Variants in HS6ST3 observed in about 807,000 individuals in gnomAD.
The protein encoded by HS6ST3 is heparan sulfate 6-O-sulfotransferase 3.
A neutral mutation model predicts 36.7 loss-of-function variants in HS6ST3; 12 were observed. The observed-to-expected ratio is 0.33, with a 90% CI of 0.21 to 0.53. HS6ST3 has a LOEUF of 0.53. HS6ST3 is among the 20% of genes least tolerant of loss of function. The pLI is 0.95. For missense variants in HS6ST3, 584 were observed against 640.9 expected, an observed-to-expected ratio of 0.91 and a Z score of 0.96; for synonymous variants, 240 against 257.5, an observed-to-expected ratio of 0.93 and a Z score of 0.65.
At chr13:96,386,136 A>G (rs1352357295) in intron 1 of HS6ST3, among the ~76,000 whole-genome samples, 2 of 152,244 alleles carry the variant, frequency 1.3e-5, no homozygotes. Flanking sequence ...CATCTTGTAA[A>G]TTTGCTTTAT....
At chr13:96,382,141 G>A (rs1451689097) in intron 1 of HS6ST3, among the ~76,000 whole-genome samples, 4 of 152,222 alleles carry the variant, frequency 2.6e-5, no homozygotes, top group South Asian at 4.2e-4. Context: ...TGATAAGGAG[G>A]GTTGTTTTGC....
intron 1 of HS6ST3, among the ~76,000 whole-genome samples, chr13:96,353,300 A>G (rs1302352133): frequency 6.6e-6 from 1 of 151,992 alleles, no homozygotes; most frequent in African/African-American, 2.4e-5. Flanking sequence ...ATAGTTCTTC[A>G]TTACTGAAGA....
chr13:96,454,485 G>A (rs7319073), intron 1 of HS6ST3, among the ~76,000 whole-genome samples: 118,316 of 152,028 alleles, frequency 0.78, 49,018 homozygotes, highest in Non-Finnish European at 0.94. Context: ...ATTACCATGC[G>A]GCACAATGAT....
chr13:96,122,050 G>A (rs548273636), intron 1 of HS6ST3, among the ~76,000 whole-genome samples: 41 of 151,614 alleles, frequency 2.7e-4, no homozygotes, highest in Non-Finnish European at 5.3e-4. Context: ...CCTCTGAGCT[G>A]GCTAATGCAA....
chr13:96,309,858 T>C (rs115133093), intron 1 of HS6ST3, among the ~76,000 whole-genome samples: 3,940 of 152,268 alleles, frequency 0.026, 68 homozygotes, highest in East Asian at 0.054. Context: ...TAGGAAACTT[T>C]ACATGAGAAG....
intron 1 of HS6ST3, among the ~76,000 whole-genome samples, chr13:96,297,042 TTC>T (rs2054858210): frequency 6.6e-6 from 1 of 152,116 alleles, no homozygotes; most frequent in African/African-American, 2.4e-5. Context: ...ATTAAAACCC[TTC>T]TGTTAGATTC....
intron 1 of HS6ST3, among the ~76,000 whole-genome samples, chr13:96,431,783 G>A (rs1269907586): frequency 6.6e-6 from 1 of 152,168 alleles, no homozygotes; most frequent in Admixed American, 6.5e-5. Flanking sequence ...GTGATGCAAC[G>A]TTTGCCTACG....
At position 96,091,376 on chromosome 13, in the gene HS6ST3, G is replaced by A; in HGVS notation, c.514G>A (p.Glu172Lys). The A allele has an allele frequency of 3.1e-6, 5 of 1,613,964 alleles. No homozygotes were observed. Among genetic ancestry groups the A allele is most frequent in the Non-Finnish European group, 4.2e-6 (5 of 1,179,976 alleles). ...GRHLVKNIRL[E>K]QPCSCKAGQK... ...GCACCTGGTGAAGAACATCCGGCTG[G>A]AGCAGCCTTGTAGCTGCAAAGCGGG... The change falls in exon 1 of 2, where the codon GAG becomes AAG. Residue 172 changes from glutamate to lysine, a missense_variant. This residue lies in a region of HS6ST3 where 360 missense variants were observed against 411.3 expected (regional missense o/e 0.88). Transcript: ENST00000376705.
intron 1 of HS6ST3, among the ~76,000 whole-genome samples, chr13:96,594,037 A>G (rs2056393086): frequency 6.6e-6 from 1 of 151,148 alleles, no homozygotes; most frequent in Non-Finnish European, 1.5e-5. Context: ...GCTCACCGCG[A>G]TCTCAGCTCA....
chr13:96,372,360 C>T (rs572389141), intron 1 of HS6ST3, among the ~76,000 whole-genome samples: 15 of 152,064 alleles, frequency 9.9e-5, no homozygotes, highest in Non-Finnish European at 1.8e-4. Context: ...ATATGAATTC[C>T]TTGTATATTT....
intron 1 of HS6ST3, among the ~76,000 whole-genome samples, chr13:96,155,079 G>T (rs1018560268): frequency 2.6e-5 from 4 of 152,016 alleles, no homozygotes; most frequent in Non-Finnish European, 2.9e-5. Context: ...GTTATATATT[G>T]TTCAGTCAAT....
chr13:96,581,759 T>C (rs573644084), intron 1 of HS6ST3, among the ~76,000 whole-genome samples: 1 of 152,186 alleles, frequency 6.6e-6, no homozygotes, highest in African/African-American at 2.4e-5. Flanking sequence ...AGAGGAAATA[T>C]GGATTCATGT....
At chr13:96,490,351 C>T (rs1398925228) in intron 1 of HS6ST3, among the ~76,000 whole-genome samples, 3 of 151,952 alleles carry the variant, frequency 2.0e-5, no homozygotes, top group African/African-American at 7.3e-5. Context: ...TGCACACTAA[C>T]CTAAATGAAC....
At chr13:96,261,556 A>C (rs928452685) in intron 1 of HS6ST3, among the ~76,000 whole-genome samples, 2 of 152,200 alleles carry the variant, frequency 1.3e-5, no homozygotes, top group Non-Finnish European at 2.9e-5. Flanking sequence ...GCAGAGGGCC[A>C]GAAGATGGCC....
intron 1 of HS6ST3, among the ~76,000 whole-genome samples, chr13:96,214,572 T>G (rs1335753744): frequency 6.6e-6 from 1 of 152,204 alleles, no homozygotes; most frequent in Admixed American, 6.5e-5. Context: ...ATACCGTGGA[T>G]GTACATTATT....
chr13:96,238,308 C>T (rs148464062), intron 1 of HS6ST3, among the ~76,000 whole-genome samples: 47 of 152,302 alleles, frequency 3.1e-4, no homozygotes, highest in African/African-American at 1.0e-3. Flanking sequence ...CAAGCCACAT[C>T]ATCCCTTACT....
At chr13:96,260,657 TTAGA>T (rs1266638303) in intron 1 of HS6ST3, among the ~76,000 whole-genome samples, 7 of 150,642 alleles carry the variant, frequency 4.6e-5, no homozygotes, top group Admixed American at 1.3e-4. Context: ...CTTTTTTTTT[TTAGA>T]TAGAGTCTTG....
intron 1 of HS6ST3, among the ~76,000 whole-genome samples, chr13:96,423,487 G>T (rs185481283): frequency 9.1e-4 from 139 of 152,000 alleles, no homozygotes; most frequent in African/African-American, 3.2e-3. Context: ...CCGGTGGAGT[G>T]AGGGTGACTG....
intron 1 of HS6ST3, among the ~76,000 whole-genome samples, chr13:96,759,061 T>A (rs1876902121): frequency 6.6e-6 from 1 of 151,872 alleles, no homozygotes; most frequent in Non-Finnish European, 1.5e-5. Context: ...TATTATAACA[T>A]GACTCTATTT....
Sources: allele counts gnomAD v4.1 joint callset (sites outside exome capture counted in the v4.1 genomes callset), GRCh38; gene constraint gnomAD v4.1.1; regional missense constraint gnomAD v4.1.1; transcripts MANE v1.5; gene names NCBI Gene and HGNC (gene_info 2026-07-23, HGNC 2026-07-21).